The following EDN2 variants were observed in gnomAD, a reference collection of about 807,000 sequenced individuals.
The protein encoded by EDN2 is endothelin 2, also known as endothelin-2.
A neutral mutation model predicts 19.9 loss-of-function variants in EDN2; 10 were observed. The observed-to-expected ratio is 0.50, with a 90% CI of 0.31 to 0.85. The LOEUF is 0.85. EDN2 is among the 40% of genes least tolerant of loss of function. EDN2 has a pLI of 0.05. For missense variants in EDN2, 222 were observed against 239.3 expected, an observed-to-expected ratio of 0.93 and a Z score of 0.48; for synonymous variants, 84 against 94.9, an observed-to-expected ratio of 0.89 and a Z score of 0.67.
chr1:41,480,028 G>T (rs1362558494), intron 4 of EDN2, among the ~76,000 whole-genome samples: 1 of 152,182 alleles, frequency 6.6e-6, no homozygotes, highest in South Asian at 2.1e-4. Flanking sequence ...GCTGGCTTCA[G>T]TTCCTAGCTA....
At chr1:41,480,479 C>T (rs751332862) in intron 4 of EDN2, among the ~76,000 whole-genome samples, 1 of 152,240 alleles carries the variant, frequency 6.6e-6, no homozygotes, top group Non-Finnish European at 1.5e-5. Context: ...TTCCCTGTTT[C>T]TCCTGTTCAA....
chr1:41,484,598 C>T lies in EDN2; in HGVS notation c.4G>A (p.Val2Ile). 1 of 1,559,198 alleles carries T rather than the reference C, an allele frequency of 6.4e-7. No individual in the cohort carries two copies. The highest frequency in any genetic ancestry group is 8.7e-7 in the Non-Finnish European group (1 of 1,151,630). The change falls in exon 1 of 5, where the codon GTC becomes ATC. Residue 2 changes from valine (V) to isoleucine (I), a missense_variant. Transcript: ENST00000372587. The stretch of plus-strand genomic sequence containing the variant: ...GAGCACCAGGTGGTAGGCACGGAGA[C>T]CATAGCGGCGGTGGAGCGCGCAGGC... MVSVPTTWCSVA... is the reference protein window; with the variant it reads MISVPTTWCSVA...
chr1:41,479,706 A>G (rs1029515450), intron 4 of EDN2, among the ~76,000 whole-genome samples: 2 of 152,188 alleles, frequency 1.3e-5, no homozygotes, highest in African/African-American at 4.8e-5. Context: ...TTCTCTGCAC[A>G]TGGGGGCTTT....
rs200548746 is a variant in EDN2 at position 41,481,119 on chromosome 1, G to A, written c.419C>T (p.Thr140Ile). 77 of 1,614,068 alleles carry A rather than the reference G, an allele frequency of 4.8e-5. 1 individual carries two copies. In the East Asian group the frequency reaches 1.1e-3, roughly 23 times the overall value. ...VFQTGKTGAT[T>I]GELLQRLRDI... ...CCTCAGCCTTTGGAGAAGCTCTCCT[G>A]TAGTGGCCCCTGTCTTGCCAGTCTG... Residue 140 changes from threonine to isoleucine, a missense_variant, in exon 4 of 5, where the codon ACA (threonine) becomes ATA (isoleucine). By Grantham distance (89) the Thr-to-Ile change is moderately conservative. Coordinates refer to ENST00000372587, the MANE Select transcript of EDN2 (RefSeq NM_001956.5).
At chr1:41,483,930 C>A in intron 2 of EDN2, 117 bp downstream of exon 2, 1 of 1,103,718 alleles carries the variant, frequency 9.1e-7, no homozygotes, top group South Asian at 1.7e-5. Context: ...GCCAGTGCCT[C>A]CATCTGGAGG....
At chr1:41,480,018 G>A (rs1644233754) in intron 4 of EDN2, among the ~76,000 whole-genome samples, 1 of 152,206 alleles carries the variant, frequency 6.6e-6, no homozygotes, top group African/African-American at 2.4e-5. Flanking sequence ...GAGCCAGGAG[G>A]CTGGCTTCAG....
In EDN2 at chr1:41,479,382, T is replaced by C; in HGVS notation, c.*27A>G. 6.3e-7 allele frequency: 1 copy of C among 1,598,022 alleles called. No homozygotes were observed. The highest frequency in any genetic ancestry group is 8.6e-7 in the Non-Finnish European group (1 of 1,165,368). ...TCCTCCTCTCTCCCCGCGGGCTTCC[T>C]TCCCAATGTTCCTCCAGCTCACGAC... On this transcript the variant is annotated 3_prime_UTR_variant, in exon 5 of 5. Transcript: ENST00000372587.
chr1:41,484,218 G>A lies in EDN2; in HGVS notation c.65-15C>T, dbSNP rs1380518491. On this transcript the variant is annotated splice_polypyrimidine_tract_variant and intron_variant, in intron 1 of 4. Coordinates refer to ENST00000372587, the MANE Select transcript of EDN2 (RefSeq NM_001956.5). The stretch of plus-strand genomic sequence containing the variant: ...CTGGCCCTTCCCTGCATGCACAGGA[G>A]GGAGAGAGAGGTGGAGAGGTGGGTT... 1 of 1,609,182 alleles carries A rather than the reference G, an allele frequency of 6.2e-7. No individual in the cohort carries two copies. The highest frequency in any genetic ancestry group is 8.5e-7 in the Non-Finnish European group (1 of 1,178,110).
Position 41,484,569 on chromosome 1 carries a change from A to T in EDN2, c.33T>A (p.Val11=). 6.4e-7 allele frequency: 1 copy of T among 1,559,366 alleles called. No homozygotes were observed. The highest frequency in any genetic ancestry group is 1.2e-5 in the South Asian group (1 of 84,406). The change falls in exon 1 of 5, where the codon GTT becomes GTA. Residue 11 remains valine (V), a synonymous_variant. Transcript: ENST00000372587. The part of the protein sequence containing the change: MVSVPTTWCS[V]ALALLVALHE... ...GCAGGGCCACGAGCAGGGCTAGCGC[A>T]ACGGAGCACCAGGTGGTAGGCACGG...
At chr1:41,482,734 C>T in intron 2 of EDN2, 146 bp from the exon 3 acceptor site, 1 of 1,154,044 alleles carries the variant, frequency 8.7e-7, no homozygotes, top group Non-Finnish European at 1.1e-6. Flanking sequence ...GCCACCCATG[C>T]CAGCAGGGTG....
Position 41,481,213 on chromosome 1 carries a change from G to A in EDN2, c.345-20C>T, listed in dbSNP as rs769003966. The A allele has an allele frequency of 3.7e-6, 6 of 1,607,654 alleles. No homozygotes were observed. Among genetic ancestry groups the A allele is most frequent in the Non-Finnish European group, 4.3e-6 (5 of 1,174,784 alleles). ...TCAGTCCTACGTGAATAGCATTAGG[G>A]CCCAAGTGATGGACTGCCCAGGGCC... On this transcript the variant is annotated intron_variant, in intron 3 of 4. Transcript: ENST00000372587.
intron 4 of EDN2, chr1:41,480,620 G>T: frequency 4.6e-6 from 2 of 431,728 alleles, no homozygotes; most frequent in South Asian, 3.3e-5. Flanking sequence ...CTGCTGCCCG[G>T]CAGGTGCAAG....
At chr1:41,479,565 T>TTGCCCCTGCTCTCATGGG in intron 4 of EDN2, 63 bp from the exon 5 acceptor site, 1 of 1,448,974 alleles carries the variant, frequency 6.9e-7, no homozygotes, top group Non-Finnish European at 9.7e-7. Context: ...GAGCTCCCCA[T>TTGCCCCTGCTCTCATGGG]GAGAGCAGGG....
At chr1:41,482,374 C>T (rs952136552) in intron 3 of EDN2, 92 bp downstream of exon 3, 36 of 1,390,656 alleles carry the variant, frequency 2.6e-5, no homozygotes, top group Admixed American at 3.3e-5. Context: ...CTTGCCAGTT[C>T]GCTCCTCTGC....
At chr1:41,482,736 A>C (rs1423154020) in intron 2 of EDN2, 148 bp from the exon 3 acceptor site, 1 of 1,143,162 alleles carries the variant, frequency 8.7e-7, no homozygotes, top group African/African-American at 1.6e-5. Context: ...CACCCATGCC[A>C]GCAGGGTGCC....
At position 41,481,161 on chromosome 1, in the gene EDN2, G is replaced by C; in HGVS notation, c.377C>G (p.Ser126Cys). 1.9e-6 allele frequency: 3 copies of C among 1,614,086 alleles called. No individual in the cohort carries two copies. The highest frequency in any genetic ancestry group is 1.1e-5 in the South Asian group (1 of 91,086). Reference sequence around the variant, plus strand: ...GCCAGTCTGGAACACGTCTGCAGGGGACTTCCGGCTTGGGACTGCCCCGGC... The same window carrying C: ...GCCAGTCTGGAACACGTCTGCAGGGCACTTCCGGCTTGGGACTGCCCCGGC... ...TEAGAVPSRK[S>C]PADVFQTGKT... The change falls in exon 4 of 5, where the codon TCC becomes TGC. Residue 126 changes from serine to cysteine, a missense_variant. By Grantham distance (112) the Ser-to-Cys change is moderately radical. Coordinates refer to ENST00000372587, the MANE Select transcript of EDN2 (RefSeq NM_001956.5).
At position 41,479,203 on chromosome 1, in the gene EDN2, G is replaced by A. The variant is rs1644225364; in HGVS notation, c.*206C>T. On this transcript the variant is annotated 3_prime_UTR_variant, in exon 5 of 5. Coordinates refer to ENST00000372587, the MANE Select transcript of EDN2 (RefSeq NM_001956.5). Reference sequence around the variant, plus strand: ...CTGCTCCGCAGTCTGGAGGCCGAGGGCTTCCCTGGGCAGTGCGAGGACACA... The same window carrying A: ...CTGCTCCGCAGTCTGGAGGCCGAGGACTTCCCTGGGCAGTGCGAGGACACA... 1 of 671,418 alleles carries A rather than the reference G, an allele frequency of 1.5e-6. No individual in the cohort carries two copies. Among genetic ancestry groups the A allele is most frequent in the East Asian group, 2.8e-5 (1 of 35,474 alleles). 41.6% of individuals were successfully genotyped at this position (671,418 alleles called of 1,614,324 possible).
chr1:41,482,851 G>C (rs974645873), intron 2 of EDN2: 7 of 284,324 alleles, frequency 2.5e-5, no homozygotes, highest in Admixed American at 1.6e-4. Flanking sequence ...CCCTTCTCTG[G>C]GCCTGGCTTG....
chr1:41,480,801 G>A, intron 4 of EDN2: 1 of 577,734 alleles, frequency 1.7e-6, no homozygotes. Flanking sequence ...GCTCCATTCA[G>A]CACAGCCTGA....
Sources: gnomAD v4.1 joint callset for allele counts (sites outside exome capture counted in the v4.1 genomes callset) on GRCh38, gnomAD v4.1.1 for gene constraint, MANE v1.5 for transcripts, NCBI Gene and HGNC (gene_info 2026-07-23, HGNC 2026-07-21) for gene names.